The following MAPT variants were observed in gnomAD, a reference collection of about 807,000 sequenced individuals.
The protein encoded by MAPT is microtubule-associated protein tau.
A neutral mutation model predicts 67.9 loss-of-function variants in MAPT; 34 were observed. The ratio of observed to expected loss-of-function variants is 0.50; its 90% confidence interval spans 0.38 to 0.67. MAPT has a LOEUF of 0.67. Ranked by LOEUF, MAPT falls within the 30% of genes least tolerant of loss-of-function variation. The probability of loss-of-function intolerance (pLI) is 0.00; values close to 1 mark genes in which losing one functional copy is unlikely to be tolerated. For synonymous variants in MAPT, 456 were observed against 464.5 expected (o/e 0.98, Z 0.23); for missense variants, 881 against 1,115.2 (o/e 0.79, Z 2.99).
rs2076712601 is a variant in MAPT at position 46,024,286 on chromosome 17, G to A, written c.*115G>A. ...GCCCCCAGCTGCTCCTCGCAGTTCGGTTAATTGGTTAATCACTTAACCTGC... is the reference window on the plus strand; with the variant it reads ...GCCCCCAGCTGCTCCTCGCAGTTCGATTAATTGGTTAATCACTTAACCTGC... On this transcript the variant is annotated 3_prime_UTR_variant, in exon 13 of 13. Coordinates refer to ENST00000262410, the MANE Select transcript of MAPT (RefSeq NM_001377265.1). 2 of 931,174 alleles carry A rather than the reference G, an allele frequency of 2.1e-6. No homozygotes were observed. Among genetic ancestry groups the A allele is most frequent in the African/African-American group, 3.3e-5 (2 of 61,428 alleles). 57.7% of individuals were successfully genotyped at this position (931,174 alleles called of 1,614,324 possible).
Position 45,991,468 on chromosome 17 carries a change from T to A in MAPT, c.1614T>A (p.Asp538Glu), listed in dbSNP as rs1442558425. 1 of 1,613,974 alleles carries A rather than the reference T, an allele frequency of 6.2e-7. No homozygotes were observed. Among genetic ancestry groups the A allele is most frequent in the East Asian group, 2.2e-5 (1 of 44,886 alleles). ...TCATGTTTCATTTACAGGGGGCTGA[T>A]GGTAAAACGAAGATCGCCACACCGC... is the stretch of plus-strand genomic sequence containing the variant. ...GAKEMKLKGA[D>E]GKTKIATPRG... Residue 538 changes from aspartate (D) to glutamate (E), a missense_variant, in exon 8 of 13, where the codon GAT becomes GAA. Physicochemically the swap from Asp to Glu is conservative, Grantham distance 45. Coordinates refer to ENST00000262410, the MANE Select transcript of MAPT (RefSeq NM_001377265.1).
At chr17:45,905,147 C>T (rs368438725) in intron 1 of MAPT, among the ~76,000 whole-genome samples, 6 of 152,276 alleles carry the variant, frequency 3.9e-5, no homozygotes, top group East Asian at 1.9e-4. Context: ...AGCTTAGAAA[C>T]GGAGGATTTT....
intron 1 of MAPT, among the ~76,000 whole-genome samples, chr17:45,903,945 A>ATATATAT (rs1221751926): frequency 0.013 from 214 of 16,872 alleles, 11 homozygotes; most frequent in Non-Finnish European, 0.018. Context: ...TTTATATATA[A>ATATATAT]TATATATTAT....
chr17:45,996,620 A>T lies in MAPT; in HGVS notation c.1954A>T (p.Ile652Phe). The T allele has an allele frequency of 6.2e-7, 1 of 1,613,922 alleles. No homozygotes were observed. The highest frequency in any genetic ancestry group is 8.5e-7 in the Non-Finnish European group (1 of 1,179,944). The change falls in exon 9 of 13, where the codon ATC becomes TTC. Residue 652 changes from isoleucine (I) to phenylalanine (F), a missense_variant. Physicochemically the swap from Ile to Phe is conservative, Grantham distance 21 (BLOSUM62 0). This residue lies in a region of MAPT where 45 missense variants were observed against 43.2 expected (regional missense o/e 1.04). Transcript: ENST00000262410. The surrounding 1 kb of genome is among the most constrained non-coding windows in gnomAD (Gnocchi z 4.5). ...MPDLKNVKSK[I>F]GSTENLKHQP... is the part of the protein sequence containing the mutation. ...AGACCTGAAGAATGTCAAGTCCAAG[A>T]TCGGCTCCACTGAGAACCTGAAGCA...
chr17:45,939,073 C>G (rs2067627524), intron 1 of MAPT, among the ~76,000 whole-genome samples: 1 of 152,140 alleles, frequency 6.6e-6, no homozygotes, highest in African/African-American at 2.4e-5. Context: ...CTCAGCCTCT[C>G]AAAGTGCTGG....
At chr17:45,994,676 A>T (rs1019346793) in intron 8 of MAPT, among the ~76,000 whole-genome samples, 15 of 152,086 alleles carry the variant, frequency 9.9e-5, no homozygotes, top group Non-Finnish European at 2.1e-4. Flanking sequence ...CATTATTTTT[A>T]AAAAAGACAT....
Position 46,026,449 on chromosome 17 carries a change from C to T in MAPT, c.*2278C>T, listed in dbSNP as rs1010225809. 6.6e-6 allele frequency: 1 copy of T among 152,174 alleles called. No homozygotes were observed. The highest frequency in any genetic ancestry group is 2.4e-5 in the African/African-American group (1 of 41,404). 9.4% of individuals were successfully genotyped at this position (152,174 alleles called of 1,614,324 possible). On this transcript the variant is annotated 3_prime_UTR_variant, in exon 13 of 13. Coordinates refer to ENST00000262410, the MANE Select transcript of MAPT (RefSeq NM_001377265.1). ...AGGATGGTTCTCTCTGGTCATAGCC[C>T]GAAGTCTCATGGCAGTCCCAAAGGA... is the stretch of plus-strand genomic sequence containing the variant.
At position 45,912,910 on chromosome 17, in the gene MAPT, G is replaced by A. The variant is rs56838671; in HGVS notation, c.-18+18224G>A. Reference sequence around the variant, plus strand: ...TGGACTTTGTAAACACAGTACCACCGAACCAATTTGAACTGTACTACCTCT... The same window carrying A: ...TGGACTTTGTAAACACAGTACCACCAAACCAATTTGAACTGTACTACCTCT... On this transcript the variant is annotated intron_variant, in intron 1 of 12. Transcript: ENST00000262410. Among the ~76,000 whole-genome samples the A allele has an allele frequency of 1.4e-3, 207 of 152,294 alleles. 1 individual carries two copies. The highest frequency in any genetic ancestry group is 4.8e-3 in the African/African-American group (199 of 41,556).
intron 8 of MAPT, 22 bp downstream of exon 8, chr17:45,991,608 A>T (rs758469010): frequency 1.9e-6 from 3 of 1,613,960 alleles, no homozygotes; most frequent in South Asian, 2.2e-5. Context: ...GTTCTCTTGA[A>T]TCTTAGAGGA....
At chr17:45,903,886 T>TA (rs1261737737) in intron 1 of MAPT, among the ~76,000 whole-genome samples, 1 of 31,100 alleles carries the variant, frequency 3.2e-5, no homozygotes, top group Admixed American at 6.3e-4. Context: ...TATTTATATA[T>TA]TTATATATTA....
rs1221208671 is a variant in MAPT, at chr17:45,995,132, T to C, written c.1733-1267T>C. ...CTGGCCAAGCTGCCCATTGGCTACATGGGTGCTTCAAAGAGCTGCCCTTCT... is the reference window on the plus strand; with the variant it reads ...CTGGCCAAGCTGCCCATTGGCTACACGGGTGCTTCAAAGAGCTGCCCTTCT... On this transcript the variant is annotated intron_variant, in intron 8 of 12. Transcript: ENST00000262410. The surrounding 1 kb of genome is among the most constrained non-coding windows in gnomAD (Gnocchi z 4.3). 6.6e-6 allele frequency among the ~76,000 whole-genome samples: 1 copy of C among 152,166 alleles called. No homozygotes were observed. Among genetic ancestry groups the C allele is most frequent in the East Asian group, 1.9e-4 (1 of 5,204 alleles).
At chr17:45,969,750 C>T (rs983043503) in intron 2 of MAPT, among the ~76,000 whole-genome samples, 4 of 151,830 alleles carry the variant, frequency 2.6e-5, no homozygotes, top group African/African-American at 9.7e-5. Flanking sequence ...CTGCACATCA[C>T]CAGCTCATCC....
chr17:46,024,019 A>G lies in MAPT; in HGVS notation c.2350A>G (p.Ile784Val), dbSNP rs991713081. 7 of 1,614,088 alleles carry G rather than the reference A, an allele frequency of 4.3e-6. No individual in the cohort carries two copies. The highest frequency in any genetic ancestry group is 4.2e-6 in the Non-Finnish European group (5 of 1,180,016). Residue 784 changes from isoleucine to valine, a missense_variant, in exon 13 of 13, where the codon ATC (isoleucine) becomes GTC (valine). By Grantham distance (29) the Ile-to-Val change is conservative. Transcript: ENST00000262410. Reference sequence around the variant, plus strand: ...AGCCAAGACAGACCACGGGGCGGAGATCGTGTACAAGTCGCCAGTGGTGTC... The same window carrying G: ...AGCCAAGACAGACCACGGGGCGGAGGTCGTGTACAAGTCGCCAGTGGTGTC... ...AKAKTDHGAEIVYKSPVVSGD... is the reference protein window; with the variant it reads ...AKAKTDHGAEVVYKSPVVSGD...
rs538613563 is a variant in MAPT at position 45,906,562 on chromosome 17, C to T, written c.-18+11876C>T. On this transcript the variant is annotated intron_variant, in intron 1 of 12. Transcript: ENST00000262410. This position sits in a 1 kb window ranked among gnomAD's most constrained non-coding sequence, Gnocchi z 4.3. ...AGCGGGGCTAAAGTCAGTTTGCCTT[C>T]ACCCTGTAAATGGAGGGTTTCTCCG... is the stretch of plus-strand genomic sequence containing the variant. 2.0e-5 allele frequency among the ~76,000 whole-genome samples: 3 copies of T among 152,228 alleles called. No homozygotes were observed. In the East Asian group the frequency reaches 5.8e-4, roughly 29 times the overall value.
intron 1 of MAPT, among the ~76,000 whole-genome samples, chr17:45,948,510 A>G (rs192243307): frequency 8.5e-5 from 13 of 152,354 alleles, no homozygotes; most frequent in Non-Finnish European, 1.3e-4. Context: ...CCAGGAAACA[A>G]GAGCTTTAGT....
intron 3 of MAPT, 87 bp from the exon 4 acceptor site, chr17:45,978,288 A>G (rs1217828040): frequency 1.9e-6 from 2 of 1,061,052 alleles, no homozygotes; most frequent in Admixed American, 1.7e-5. Flanking sequence ...TTTAAGGGAA[A>G]ATGCCCGAAG....
chr17:45,974,488 G>C (rs775262179), intron 3 of MAPT: 1 of 1,585,326 alleles, frequency 6.3e-7, no homozygotes, highest in East Asian at 2.3e-5. Flanking sequence ...GTAAGCCCCA[G>C]AGACCCCCAG....
intron 1 of MAPT, among the ~76,000 whole-genome samples, chr17:45,911,199 C>G (rs1231580617): frequency 6.6e-6 from 1 of 152,240 alleles, no homozygotes; most frequent in African/African-American, 2.4e-5. Context: ...GCCTCCCTCA[C>G]TCGCCCATCG....
At chr17:45,899,836 A>G (rs923625249) in intron 1 of MAPT, among the ~76,000 whole-genome samples, 1 of 152,132 alleles carries the variant, frequency 6.6e-6, no homozygotes, top group Non-Finnish European at 1.5e-5. Context: ...CAAAGAGCAA[A>G]TATCTCTTCC....
Sources: allele counts gnomAD v4.1 joint callset (sites outside exome capture counted in the v4.1 genomes callset), GRCh38; gene constraint gnomAD v4.1.1; regional missense constraint gnomAD v4.1.1; non-coding constraint Gnocchi (gnomAD v3.1); transcripts MANE v1.5; gene names NCBI Gene and HGNC (gene_info 2026-07-23, HGNC 2026-07-21).